SRRM3: variants seen among roughly 807,000 people sequenced by gnomAD.
SRRM3 encodes serine/arginine repetitive matrix protein 3.
Under a neutral mutation model 66.2 loss-of-function variants are expected in SRRM3, and 27 were observed. The observed-to-expected ratio is 0.41, with a 90% CI of 0.30 to 0.56. The LOEUF is 0.56. Among genes scored for constraint, SRRM3 ranks in the 20% least tolerant of loss-of-function variants. The pLI is 0.32. For missense variants in SRRM3, 918 were observed against 991.9 expected, an observed-to-expected ratio of 0.93 and a Z score of 1.00; for synonymous variants, 391 against 414.9, an observed-to-expected ratio of 0.94 and a Z score of 0.70.
chr7:76,222,100 T>G (rs1004108209), intron 1 of SRRM3, among the ~76,000 whole-genome samples: 10 of 152,164 alleles, frequency 6.6e-5, no homozygotes, highest in African/African-American at 2.4e-4. Context: ...TCAGTTATCC[T>G]TTAAGGGCCT....
At chr7:76,232,714 G>A (rs572230690) in intron 1 of SRRM3, among the ~76,000 whole-genome samples, 1 of 152,184 alleles carries the variant, frequency 6.6e-6, no homozygotes, top group Non-Finnish European at 1.5e-5. Flanking sequence ...AGCCAAGAGA[G>A]GTAGAGGAGG....
chr7:76,239,095 C>CGA (rs1399195748), intron 2 of SRRM3, among the ~76,000 whole-genome samples: 1 of 151,728 alleles, frequency 6.6e-6, no homozygotes, highest in Admixed American at 6.6e-5. Context: ...TGAAATGGCA[C>CGA]GATCTCGGCT....
Position 76,273,878 on chromosome 7 carries a change from C to T in SRRM3, c.1008+6443C>T, listed in dbSNP as rs1303971446. Among the ~76,000 whole-genome samples the T allele has an allele frequency of 3.3e-5, 5 of 152,176 alleles. 1 individual carries two copies. The highest frequency in any genetic ancestry group is 3.3e-4 in the Admixed American group (5 of 15,258). The stretch of plus-strand genomic sequence containing the variant: ...CCCTCCTTCTTCACCTTCCTTGTTC[C>T]CTCCTTCTTCCTCTCCATCCCTGAC... On this transcript the variant is annotated intron_variant, in intron 11 of 14. Coordinates refer to ENST00000611745, the MANE Select transcript of SRRM3 (RefSeq NM_001110199.3).
At chr7:76,250,829 G>C (rs782106212) in intron 3 of SRRM3, among the ~76,000 whole-genome samples, 1 of 152,146 alleles carries the variant, frequency 6.6e-6, no homozygotes, top group Non-Finnish European at 1.5e-5. Flanking sequence ...AATATGCACC[G>C]TGTCATATTG....
At chr7:76,250,551 T>C (rs1554606761) in intron 3 of SRRM3, among the ~76,000 whole-genome samples, 1 of 152,128 alleles carries the variant, frequency 6.6e-6, no homozygotes, top group Non-Finnish European at 1.5e-5. Flanking sequence ...TCGTAAAGGC[T>C]GGCAGCACTG....
intron 8 of SRRM3, among the ~76,000 whole-genome samples, chr7:76,264,472 C>A (rs1801960573): frequency 6.6e-6 from 1 of 152,148 alleles, no homozygotes; most frequent in Non-Finnish European, 1.5e-5. Context: ...GGCTATAGCA[C>A]CCCACTTTAT....
intron 11 of SRRM3, among the ~76,000 whole-genome samples, chr7:76,279,874 C>T (rs1341084299): frequency 6.6e-6 from 1 of 152,146 alleles, no homozygotes; most frequent in Non-Finnish European, 1.5e-5. Context: ...AAGAGTTGCC[C>T]ACTCAGGAGC....
intron 11 of SRRM3, among the ~76,000 whole-genome samples, chr7:76,272,397 A>AC (rs1221526873): frequency 8.0e-6 from 1 of 124,456 alleles, no homozygotes; most frequent in Non-Finnish European, 2.0e-5. Context: ...CCCTATCTCT[A>AC]CAAAAAAAAA....
chr7:76,236,030 A>AAAAAAAAAAAAAAAAAC (rs1801142832), intron 2 of SRRM3, among the ~76,000 whole-genome samples: 1 of 136,008 alleles, frequency 7.4e-6, no homozygotes, highest in Admixed American at 7.4e-5. Flanking sequence ...AAAAAAAAAA[A>AAAAAAAAAAAAAAAAAC]GGCCGGGCGC....
At chr7:76,235,430 G>A (rs1554604763) in intron 2 of SRRM3, 131 bp downstream of exon 2, 42 of 822,750 alleles carry the variant, frequency 5.1e-5, no homozygotes, top group Non-Finnish European at 7.4e-5. Flanking sequence ...GGCTATTAGG[G>A]CGGAGTCGGG....
chr7:76,284,137 C>T (rs1018288851), intron 14 of SRRM3, among the ~76,000 whole-genome samples: 6 of 151,758 alleles, frequency 4.0e-5, no homozygotes, highest in East Asian at 1.9e-4. Flanking sequence ...AAAGCCAGAC[C>T]GCCTTGAAGG....
Position 76,277,601 on chromosome 7 carries a change from G to A in SRRM3, c.1009-3840G>A, listed in dbSNP as rs1313127555. Among the ~76,000 whole-genome samples, 3 of 151,984 alleles carry A rather than the reference G, an allele frequency of 2.0e-5. No individual in the cohort carries two copies. In the East Asian group the frequency reaches 5.8e-4, roughly 29 times the overall value. On this transcript the variant is annotated intron_variant, in intron 11 of 14. Coordinates refer to ENST00000611745, the MANE Select transcript of SRRM3 (RefSeq NM_001110199.3). ...ATCCCTTAGCTACTCAGGAGGCTGA[G>A]GCAGGAGAATCACTTGAACCTGGCA...
Position 76,282,770 on chromosome 7 carries a change from C to A in SRRM3, c.1493C>A (p.Ser498Tyr), listed in dbSNP as rs1237735497. 2.7e-6 allele frequency: 4 copies of A among 1,465,528 alleles called. No homozygotes were observed. The East Asian group carries it at 1.2e-4, about 45-fold the overall frequency. 90.8% of individuals were successfully genotyped at this position (1,465,528 alleles called of 1,614,324 possible). A position where few individuals can be genotyped will look rare whatever the true frequency, so the allele number is the denominator to read the frequency against. ...CGCAGCCCCGGCCCGCACCCCCGCTCCTGGAGCTCCAGCCGCTCGCCCTCC... is the reference window on the plus strand; with the variant it reads ...CGCAGCCCCGGCCCGCACCCCCGCTACTGGAGCTCCAGCCGCTCGCCCTCC... The part of the protein sequence containing the change: ...SSRSPGPHPR[S>Y]WSSSRSPSKS... Residue 498 changes from serine to tyrosine, a missense_variant, in exon 13 of 15, where the codon TCC becomes TAC. Physicochemically the swap from Ser to Tyr is moderately radical, Grantham distance 144. Coordinates refer to ENST00000611745, the MANE Select transcript of SRRM3 (RefSeq NM_001110199.3).
intron 2 of SRRM3, among the ~76,000 whole-genome samples, chr7:76,244,787 C>T (rs1801396597): frequency 6.6e-6 from 1 of 152,202 alleles, no homozygotes; most frequent in Non-Finnish European, 1.5e-5. Context: ...CCAGTTCTCT[C>T]TTCTCCAGCC....
intron 1 of SRRM3, among the ~76,000 whole-genome samples, chr7:76,213,133 C>A (rs541525568): frequency 2.0e-5 from 3 of 151,876 alleles, no homozygotes; most frequent in East Asian, 3.9e-4. Flanking sequence ...CCTCAGCCTC[C>A]CTAGTAGCTG....
chr7:76,257,697 C>A (rs1045868637), intron 3 of SRRM3, among the ~76,000 whole-genome samples: 1 of 151,806 alleles, frequency 6.6e-6, no homozygotes. Flanking sequence ...CGCTTGAGGC[C>A]AGGAGTTCAA....
chr7:76,258,523 G>A (rs1554608067), intron 3 of SRRM3, among the ~76,000 whole-genome samples: 1 of 150,124 alleles, frequency 6.7e-6, no homozygotes, highest in Non-Finnish European at 1.5e-5. Flanking sequence ...GACCAGCCTG[G>A]CCAGCATGGT....
intron 11 of SRRM3, chr7:76,269,688 G>C (rs1802161000): frequency 6.6e-6 from 1 of 151,784 alleles, no homozygotes; most frequent in Non-Finnish European, 1.5e-5. Context: ...TGTTTAGCTG[G>C]TGAGGGAAGA....
At chr7:76,245,798 C>T (rs1757807632) in intron 2 of SRRM3, among the ~76,000 whole-genome samples, 3 of 152,154 alleles carry the variant, frequency 2.0e-5, no homozygotes, top group South Asian at 2.1e-4. Context: ...CGGGTTCAAG[C>T]GATTCTCCTG....
Sources: gnomAD v4.1 joint callset for allele counts (sites outside exome capture counted in the v4.1 genomes callset) on GRCh38, gnomAD v4.1.1 for gene constraint, MANE v1.5 for transcripts, NCBI Gene and HGNC (gene_info 2026-07-23, HGNC 2026-07-21) for gene names.